Variants in FAM114A2 observed in about 807,000 individuals in gnomAD.
FAM114A2 encodes family with sequence similarity 114 member A2, also known as protein FAM114A2.
Under a neutral mutation model 58.4 loss-of-function variants are expected in FAM114A2, and 53 were observed. The ratio of observed to expected loss-of-function variants is 0.91; its 90% CI spans 0.73 to 1.14. The LOEUF is 1.14. Ranked by LOEUF, FAM114A2 falls within the 50% of genes most tolerant of loss-of-function variation. The pLI is 0.00. For synonymous variants in FAM114A2, 228 were observed against 211.4 expected (o/e 1.08, Z -0.68); for missense variants, 601 against 581.1 (o/e 1.03, Z -0.35).
chr5:154,017,430 G>A (rs1435158261), intron 8 of FAM114A2, among the ~76,000 whole-genome samples: 3 of 152,076 alleles, frequency 2.0e-5, no homozygotes, highest in Admixed American at 1.3e-4. Flanking sequence ...CAACAAGAGC[G>A]AAACTCCATC....
Position 154,026,529 on chromosome 5 carries a change from G to A in FAM114A2, c.790-7C>T, listed in dbSNP as rs770443358. 6.8e-7 allele frequency: 1 copy of A among 1,467,874 alleles called. No individual in the cohort carries two copies. Among genetic ancestry groups the A allele is most frequent in the Admixed American group, 2.5e-5 (1 of 39,298 alleles). The allele number at this position is 1,467,874 out of a possible 1,614,324, so 90.9% of individuals were successfully genotyped here. A position where few individuals can be genotyped will look rare whatever the true frequency, so the allele number is the denominator to read the frequency against. On this transcript the variant is annotated splice_polypyrimidine_tract_variant and splice_region_variant and intron_variant, in intron 7 of 13. Transcript: ENST00000351797. Reference sequence around the variant, plus strand: ...AATTAAGGATAGATTTCACCTGAATGGATACAAGAACAAAATGTTGTAGGA... The same window carrying A: ...AATTAAGGATAGATTTCACCTGAATAGATACAAGAACAAAATGTTGTAGGA...
chr5:154,029,128 A>G lies in FAM114A2; in HGVS notation c.495+361T>C, dbSNP rs190872158. ...TGCAAATATCTGTCATAAAGATCAC[A>G]TTTCCCCTTTGCCTAAAAGATGCAA... On this transcript the variant is annotated intron_variant, in intron 5 of 13. Coordinates refer to ENST00000351797, the MANE Select transcript of FAM114A2 (RefSeq NM_018691.4). Among the ~76,000 whole-genome samples, 28 of 152,316 alleles carry G rather than the reference A, an allele frequency of 1.8e-4. No homozygotes were observed. In the East Asian group the frequency reaches 4.8e-3, roughly 26 times the overall value.
At chr5:154,030,995 T>C (rs77767302) in intron 4 of FAM114A2, among the ~76,000 whole-genome samples, 4,903 of 152,172 alleles carry the variant, frequency 0.032, 144 homozygotes, top group Non-Finnish European at 0.045. Flanking sequence ...AAGGCCACTA[T>C]AGACTCACCC....
intron 12 of FAM114A2, among the ~76,000 whole-genome samples, chr5:153,997,279 A>G (rs1402830240): frequency 6.6e-6 from 1 of 152,222 alleles, no homozygotes; most frequent in Non-Finnish European, 1.5e-5. Context: ...AAATGGAAAC[A>G]TATTCACATA....
At chr5:154,019,295 C>A (rs1373571260) in intron 8 of FAM114A2, among the ~76,000 whole-genome samples, 1 of 151,462 alleles carries the variant, frequency 6.6e-6, no homozygotes, top group Non-Finnish European at 1.5e-5. Flanking sequence ...ACAATAGCTG[C>A]AAAAAAAATA....
chr5:154,028,094 C>A, intron 6 of FAM114A2, 55 bp downstream of exon 6: 9 of 1,462,078 alleles, frequency 6.2e-6, no homozygotes, highest in Non-Finnish European at 8.3e-6. Flanking sequence ...TAAACAAAGG[C>A]AAAAATACAG....
intron 9 of FAM114A2, among the ~76,000 whole-genome samples, 198 bp from the exon 10 acceptor site, chr5:154,003,167 C>T: frequency 6.6e-6 from 1 of 150,724 alleles, no homozygotes; most frequent in African/African-American, 2.5e-5. Flanking sequence ...TCAAAATTCT[C>T]TAATTGGTAG....
chr5:154,029,442 A>T (rs1463626527), intron 5 of FAM114A2, 47 bp downstream of exon 5: 2 of 1,039,556 alleles, frequency 1.9e-6, no homozygotes. Flanking sequence ...ATGCAAACCC[A>T]TTATAATAAT....
In FAM114A2 at chr5:153,991,114, GAA is replaced by G. The variant is rs1420636606; in HGVS notation, c.*1860_*1861del. 9 of 151,648 alleles carry G rather than the reference GAA, an allele frequency of 5.9e-5. No individual in the cohort carries two copies. Among genetic ancestry groups the G allele is most frequent in the Non-Finnish European group, 1.0e-4 (7 of 67,914 alleles). The allele number at this position is 151,648 out of a possible 1,614,324, so 9.4% of individuals were successfully genotyped here. On this transcript the variant is annotated 3_prime_UTR_variant, in exon 14 of 14. Transcript: ENST00000351797. ...ATATATGGGGGGGTGGGGAAGATGAGAAAAAAAGAGTTAGTGAGTCATATTTA... is the reference window on the plus strand; with the variant it reads ...ATATATGGGGGGGTGGGGAAGATGAGAAAAAGAGTTAGTGAGTCATATTTA...
intron 8 of FAM114A2, among the ~76,000 whole-genome samples, chr5:154,013,764 G>A (rs941676048): frequency 1.1e-4 from 17 of 152,106 alleles, no homozygotes; most frequent in African/African-American, 4.1e-4. Context: ...AGGAACAATG[G>A]AGCAACTTAA....
intron 9 of FAM114A2, among the ~76,000 whole-genome samples, chr5:154,007,074 C>T (rs1312417807): frequency 2.0e-5 from 3 of 152,024 alleles, no homozygotes; most frequent in Non-Finnish European, 4.4e-5. Flanking sequence ...GGATTACAGG[C>T]GTGAGCCACC....
intron 9 of FAM114A2, among the ~76,000 whole-genome samples, chr5:154,005,952 G>A (rs779823962): frequency 2.0e-5 from 3 of 152,204 alleles, no homozygotes; most frequent in Non-Finnish European, 4.4e-5. Flanking sequence ...CTACCCGAAT[G>A]AGCTAAAGCA....
intron 8 of FAM114A2, among the ~76,000 whole-genome samples, chr5:154,017,208 C>G (rs564434227): frequency 6.6e-6 from 1 of 152,112 alleles, no homozygotes. Context: ...TTTGGGAGGC[C>G]GAGGCAGGTG....
At position 153,992,804 on chromosome 5, in the gene FAM114A2, C is replaced by T. The variant is rs1769316041; in HGVS notation, c.*172G>A. 1 of 477,828 alleles carries T rather than the reference C, an allele frequency of 2.1e-6. No individual in the cohort carries two copies. Among genetic ancestry groups the T allele is most frequent in the East Asian group, 3.2e-5 (1 of 31,712 alleles). 29.6% of individuals were successfully genotyped at this position (477,828 alleles called of 1,614,324 possible). Reference sequence around the variant, plus strand: ...ACAACTGGAAAGAATACTGTGAGAACCTGAATACTTCAATCAAACACTGAA... The same window carrying T: ...ACAACTGGAAAGAATACTGTGAGAATCTGAATACTTCAATCAAACACTGAA... On this transcript the variant is annotated 3_prime_UTR_variant, in exon 14 of 14. Coordinates refer to ENST00000351797, the MANE Select transcript of FAM114A2 (RefSeq NM_018691.4).
intron 10 of FAM114A2, 103 bp downstream of exon 10, chr5:154,002,744 T>G: frequency 3.4e-6 from 4 of 1,160,128 alleles, no homozygotes; most frequent in Non-Finnish European, 5.0e-6. Flanking sequence ...ATCACAAGGT[T>G]GAAATTACGG....
chr5:153,998,565 T>C (rs953000689), intron 11 of FAM114A2, among the ~76,000 whole-genome samples: 2 of 152,232 alleles, frequency 1.3e-5, no homozygotes, highest in African/African-American at 4.8e-5. Flanking sequence ...TCCATTTGTC[T>C]TTCTGCTTCT....
Position 154,011,749 on chromosome 5 carries a change from G to A in FAM114A2, c.914-429C>T, listed in dbSNP as rs116771586. 3.6e-3 allele frequency among the ~76,000 whole-genome samples: 542 copies of A among 152,282 alleles called. 3 individuals carry two copies. The highest frequency in any genetic ancestry group is 0.012 in the African/African-American group (498 of 41,560). Reference sequence around the variant, plus strand: ...ACTGTACATGCGCTTCCAAGAAAGTGGAGTTTAAGTTGGGACATCAAACTT... The same window carrying A: ...ACTGTACATGCGCTTCCAAGAAAGTAGAGTTTAAGTTGGGACATCAAACTT... On this transcript the variant is annotated intron_variant, in intron 8 of 13. Coordinates refer to ENST00000351797, the MANE Select transcript of FAM114A2 (RefSeq NM_018691.4).
chr5:154,002,251 T>C lies in FAM114A2; in HGVS notation c.1256A>G (p.Gln419Arg), dbSNP rs554683102. 1 of 1,613,332 alleles carries C rather than the reference T, an allele frequency of 6.2e-7. No individual in the cohort carries two copies. The highest frequency in any genetic ancestry group is 1.3e-5 in the African/African-American group (1 of 75,068). Residue 419 changes from glutamine to arginine, a missense_variant and splice_region_variant, in exon 11 of 14, where the codon CAG becomes CGG. Coordinates refer to ENST00000351797, the MANE Select transcript of FAM114A2 (RefSeq NM_018691.4). ...TTAGAGGAATTCTCATTACACTTAC[T>C]GGGAAAGAGTTTGGCTCCTTTCTAT... ...TAIERSQTLS[Q>R]MTIVLCKELS...
chr5:153,993,430 T>C (rs1769359865), intron 13 of FAM114A2, among the ~76,000 whole-genome samples: 1 of 152,178 alleles, frequency 6.6e-6, no homozygotes, highest in Non-Finnish European at 1.5e-5. Context: ...GTAGATTCTG[T>C]CACAATATTG....
Sources: allele counts gnomAD v4.1 joint callset (sites outside exome capture counted in the v4.1 genomes callset), GRCh38; gene constraint gnomAD v4.1.1; transcripts MANE v1.5; gene names NCBI Gene and HGNC (gene_info 2026-07-23, HGNC 2026-07-21).